Variants in PHKA2 observed in about 807,000 individuals in gnomAD.
PHKA2 encodes the protein phosphorylase b kinase regulatory subunit alpha, liver isoform.
Under a neutral mutation model 102.0 loss-of-function variants are expected in PHKA2, and 31 were observed. That is an observed-to-expected ratio of 0.30 (90% CI 0.23 to 0.41). The LOEUF (loss-of-function observed/expected upper bound fraction) is 0.41, where lower values mean the gene tolerates loss of function less well. Among genes scored for constraint, PHKA2 ranks in the 10% least tolerant of loss-of-function variants. PHKA2 has a pLI of 1.00. For missense variants in PHKA2, 858 were observed against 1,023.1 expected (o/e 0.84, Z 2.20); for synonymous variants, 455 against 416.2 (o/e 1.09, Z -1.13).
chrX:18,906,474 C>T (rs200331315), intron 25 of PHKA2, 21 bp downstream of exon 25: 1 of 1,209,680 alleles, frequency 8.3e-7, no homozygotes, highest in East Asian at 3.0e-5. Flanking sequence ...GCGGGAGCTG[C>T]AGGAGCTGCG....
At chrX:18,982,517 A>G (rs1240886914) in intron 1 of PHKA2, among the ~76,000 whole-genome samples, 1 of 112,292 alleles carries the variant, frequency 8.9e-6, no homozygotes, top group African/African-American at 3.2e-5. Flanking sequence ...GCAAACCACA[A>G]CTGGTCCAAA....
At chrX:18,931,161 T>G (rs913637236) in intron 12 of PHKA2, among the ~76,000 whole-genome samples, 17 of 112,488 alleles carry the variant, frequency 1.5e-4, no homozygotes, top group African/African-American at 4.8e-4. Flanking sequence ...CTGCAGGTTG[T>G]CCGGGGCAAC....
intron 5 of PHKA2, among the ~76,000 whole-genome samples, chrX:18,948,361 C>T (rs918418432): frequency 9.0e-6 from 1 of 110,800 alleles, no homozygotes; most frequent in Non-Finnish European, 1.9e-5. Flanking sequence ...GTAATCCCAG[C>T]TAATCAGGAG....
At chrX:18,936,571 T>C (rs866716864) in intron 10 of PHKA2, among the ~76,000 whole-genome samples, 3 of 112,634 alleles carry the variant, frequency 2.7e-5, no homozygotes, top group African/African-American at 9.7e-5. Flanking sequence ...AACCGGATTA[T>C]AAACTTCTTG....
rs746443434 is a variant in PHKA2 at position 18,910,938 on chromosome X, A to G, written c.2160T>C (p.Thr720=). Residue 720 remains threonine (T), a synonymous_variant, in exon 20 of 33, where the codon ACT becomes ACC. Coordinates refer to ENST00000379942, the MANE Select transcript of PHKA2 (RefSeq NM_000292.3). ...ATTTACGGTGGGCACTTAGAACTTT[A>G]GTCGGCAAAGTCATGGGAACAACTG... is the stretch of plus-strand genomic sequence containing the variant. ...EVPFVPMTLP[T]KVLSAHRKSL... is the part of the protein sequence containing the mutation. 6.8e-5 allele frequency: 80 copies of G among 1,178,850 alleles called. No individual in the cohort carries two copies. The South Asian group carries it at 1.4e-3, about 21-fold the overall frequency.
chrX:18,899,209 C>G lies in PHKA2; in HGVS notation c.3075G>C (p.Gln1025His). ...SADEQFFSVG[Q>H]AASSSAHSSK... ...AGGAATGCGCACTGCTGGACGCGGC[C>G]TGGCCCACAGAAAAGAACTACAAAA... The change falls in exon 29 of 33, where the codon CAG (glutamine) becomes CAC (histidine). Residue 1025 changes from glutamine to histidine, a missense_variant. Gln to His is a conservative substitution (Grantham distance 24, BLOSUM62 0). Around this residue, in one of 2 missense-constraint regions of PHKA2, gnomAD observed 671 missense variants for 745.2 expected, o/e 0.90. Transcript: ENST00000379942. 1 of 1,209,898 alleles carries G rather than the reference C, an allele frequency of 8.3e-7. No homozygotes were observed. The highest frequency in any genetic ancestry group is 1.1e-6 in the Non-Finnish European group (1 of 893,827).
intron 13 of PHKA2, among the ~76,000 whole-genome samples, chrX:18,927,120 G>T (rs1160258166): frequency 8.9e-6 from 1 of 111,890 alleles, no homozygotes; most frequent in Non-Finnish European, 1.9e-5. Context: ...GGATGCTGGC[G>T]GTAGTGGAGC....
intron 25 of PHKA2, 60 bp from the exon 26 acceptor site, chrX:18,905,919 G>A: frequency 3.5e-6 from 3 of 853,369 alleles, no homozygotes; most frequent in Non-Finnish European, 5.2e-6. Context: ...TAAAGGTAGG[G>A]TCAGGTGGAC....
chrX:18,944,580 T>C lies in PHKA2; in HGVS notation c.618+498A>G, dbSNP rs754580700. ...GTGTTTTGTTTGGCTTGAAGAGTATTTTAAATGAGTTTGAATCAGAGTACC... is the reference window on the plus strand; with the variant it reads ...GTGTTTTGTTTGGCTTGAAGAGTATCTTAAATGAGTTTGAATCAGAGTACC... On this transcript the variant is annotated intron_variant, in intron 6 of 32. Transcript: ENST00000379942. 6.3e-5 allele frequency among the ~76,000 whole-genome samples: 7 copies of C among 111,617 alleles called. No individual in the cohort carries two copies. In the South Asian group the frequency reaches 2.6e-3, roughly 42 times the overall value.
intron 22 of PHKA2, among the ~76,000 whole-genome samples, chrX:18,907,313 G>A (rs2047838927): frequency 8.9e-6 from 1 of 112,418 alleles, no homozygotes; most frequent in Non-Finnish European, 1.9e-5. Flanking sequence ...TGTCTCCAAT[G>A]TGTGGCCCCA....
At chrX:18,944,801 T>C (rs2078091752) in intron 6 of PHKA2, among the ~76,000 whole-genome samples, 1 of 112,141 alleles carries the variant, frequency 8.9e-6, no homozygotes, top group South Asian at 3.7e-4. Context: ...TGCAGCTTCT[T>C]AAACAACAGC....
rs1023055357 is a variant in PHKA2, at chrX:18,984,070, G to A, written c.-138C>T. ...TTGGGATGGGACCGGGCCGGAGGAG[G>A]TCGAGACTTTTCTAAACGCTAGCCC... On this transcript the variant is annotated 5_prime_UTR_variant, in exon 1 of 33. Transcript: ENST00000379942. 7 of 526,732 alleles carry A rather than the reference G, an allele frequency of 1.3e-5. No individual in the cohort carries two copies. Among genetic ancestry groups the A allele is most frequent in the African/African-American group, 9.2e-5 (4 of 43,577 alleles). The allele number at this position is 526,732 out of a possible 1,213,427, so 43.4% of individuals were successfully genotyped here.
At position 18,899,825 on chromosome X, in the gene PHKA2, C is replaced by T. The variant is rs1178047229; in HGVS notation, c.3058-599G>A. On this transcript the variant is annotated intron_variant, in intron 28 of 32. Transcript: ENST00000379942. ...ATTGAAAATACCATAACACCTATTACATTTTTGGAACAAATAATATGTTCC... is the reference window on the plus strand; with the variant it reads ...ATTGAAAATACCATAACACCTATTATATTTTTGGAACAAATAATATGTTCC... Among the ~76,000 whole-genome samples the T allele has an allele frequency of 2.7e-5, 3 of 112,011 alleles. No homozygotes were observed. The East Asian group carries it at 8.4e-4, about 31-fold the overall frequency.
chrX:18,919,862 C>T (rs1946274545), intron 18 of PHKA2, among the ~76,000 whole-genome samples, 170 bp downstream of exon 18: 1 of 111,060 alleles, frequency 9.0e-6, no homozygotes, highest in Non-Finnish European at 1.9e-5. Context: ...GGTTTTTAAA[C>T]GGGCATTTTA....
rs138061316 is a variant in PHKA2 at position 18,905,510 on chromosome X, C to T, written c.2908+248G>A. ...CGTAAGTGATGGTGCCAGGTGCTTA[C>T]GACTACAGGAGGCGGTATACCACAC... On this transcript the variant is annotated intron_variant, in intron 26 of 32. Coordinates refer to ENST00000379942, the MANE Select transcript of PHKA2 (RefSeq NM_000292.3). Among the ~76,000 whole-genome samples, 877 of 110,663 alleles carry T rather than the reference C, an allele frequency of 7.9e-3. 6 individuals carry two copies. The highest frequency in any genetic ancestry group is 0.027 in the African/African-American group (810 of 30,362).
chrX:18,894,193 G>A lies in PHKA2; in HGVS notation c.3537+11C>T. The stretch of plus-strand genomic sequence containing the variant: ...TAAATGCCAGCCAACCCAGCTCCCT[G>A]GCACCCCCACCTGGTCCTGCAAGAA... On this transcript the variant is annotated intron_variant, in intron 32 of 32. Coordinates refer to ENST00000379942, the MANE Select transcript of PHKA2 (RefSeq NM_000292.3). 8.3e-7 allele frequency: 1 copy of A among 1,205,165 alleles called. No individual in the cohort carries two copies. The highest frequency in any genetic ancestry group is 1.1e-6 in the Non-Finnish European group (1 of 889,719).
intron 19 of PHKA2, 42 bp from the exon 20 acceptor site, chrX:18,911,002 G>T: frequency 1.2e-6 from 1 of 817,906 alleles, no homozygotes; most frequent in Non-Finnish European, 1.7e-6. Context: ...TGAGGAGGAA[G>T]AACAACACTT....
Position 18,908,191 on chromosome X carries a change from C to T in PHKA2, c.2361-135G>A, listed in dbSNP as rs906779603. ...GTCTCACTGAGAGGGTTACGCCCGA[C>T]CAAAGCTTCCCTATGTCCTTTGAAA... On this transcript the variant is annotated intron_variant, in intron 21 of 32. Transcript: ENST00000379942. 2.1e-5 allele frequency: 13 copies of T among 623,830 alleles called. No homozygotes were observed. The African/African-American group carries it at 2.6e-4, about 13-fold the overall frequency. 51.4% of individuals were successfully genotyped at this position (623,830 alleles called of 1,213,427 possible). A position where few individuals can be genotyped will look rare whatever the true frequency, so the allele number is the denominator to read the frequency against.
rs772435198 is a variant in PHKA2, at chrX:18,948,771, A to T, written c.510T>A (p.Phe170Leu). The T allele has an allele frequency of 8.4e-7, 1 of 1,193,743 alleles. No individual in the cohort carries two copies. The highest frequency in any genetic ancestry group is 2.2e-5 in the Admixed American group (1 of 45,895). Residue 170 changes from phenylalanine (F) to leucine (L), a missense_variant, in exon 5 of 33, where the codon TTT becomes TTA. Physicochemically the swap from Phe to Leu is conservative, Grantham distance 22. Around this residue, in one of 2 missense-constraint regions of PHKA2, gnomAD observed 187 missense variants for 277.9 expected, o/e 0.67. Coordinates refer to ENST00000379942, the MANE Select transcript of PHKA2 (RefSeq NM_000292.3). ...DEVAFIQNLV[F>L]YIEAAYKVAD... Reference sequence around the variant, plus strand: ...CGACTTTATATGCAGCTTCTATGTAAAAGACAAGATTCTGTATGAAGGCCA... The same window carrying T: ...CGACTTTATATGCAGCTTCTATGTATAAGACAAGATTCTGTATGAAGGCCA...
Sources: gnomAD v4.1 joint callset for allele counts (sites outside exome capture counted in the v4.1 genomes callset) on GRCh38, gnomAD v4.1.1 for gene constraint, gnomAD v4.1.1 regional missense constraint, MANE v1.5 for transcripts, NCBI Gene and HGNC (gene_info 2026-07-23, HGNC 2026-07-21) for gene names.